Variants in ZNF407 observed in about 807,000 individuals in gnomAD.
ZNF407 encodes zinc finger protein 407.
ZNF407 carries 17 observed loss-of-function variants against 131.2 expected under a neutral mutation model. The ratio of observed to expected loss-of-function variants is 0.13; its 90% CI spans 0.09 to 0.19. The LOEUF is 0.19. Ranked by LOEUF, ZNF407 falls within the 10% of genes least tolerant of loss-of-function variation. The pLI is 1.00. For missense variants in ZNF407, 2,681 were observed against 2,830.6 expected, an observed-to-expected ratio of 0.95 and a Z score of 1.20; for synonymous variants, 1,156 against 1,062.0, an observed-to-expected ratio of 1.09 and a Z score of -1.72.
At chr18:74,869,122 C>T (rs1971052675) in intron 4 of ZNF407, among the ~76,000 whole-genome samples, 2 of 152,130 alleles carry the variant, frequency 1.3e-5, no homozygotes, top group African/African-American at 4.8e-5. Flanking sequence ...TACATTTTAT[C>T]TTTTTAGCTC....
intron 3 of ZNF407, among the ~76,000 whole-genome samples, chr18:74,651,684 T>C (rs895882735): frequency 6.6e-6 from 1 of 152,146 alleles, no homozygotes; most frequent in Non-Finnish European, 1.5e-5. Flanking sequence ...GAGTAAAAGG[T>C]TGAAGAATGT....
intron 8 of ZNF407, chr18:74,921,103 T>A: frequency 2.5e-6 from 2 of 798,624 alleles, no homozygotes; most frequent in Non-Finnish European, 3.0e-6. Flanking sequence ...AGTGAATGCC[T>A]AGAAAGAATG....
intron 3 of ZNF407, among the ~76,000 whole-genome samples, chr18:74,641,660 T>C (rs1364559264): frequency 6.6e-6 from 1 of 152,196 alleles, no homozygotes; most frequent in Non-Finnish European, 1.5e-5. Flanking sequence ...ACTTATTTCC[T>C]TTTTTAGTTA....
At position 74,866,937 on chromosome 18, in the gene ZNF407, C is replaced by T. The variant is rs2145167135; in HGVS notation, c.4878-10260C>T. The stretch of plus-strand genomic sequence containing the variant: ...CTGAGGCTGGAGGATCCCTAGAGCC[C>T]CTGTGTTTGAGACCAGCCTTGACAA... On this transcript the variant is annotated intron_variant, in intron 4 of 8. Transcript: ENST00000299687. Among the ~76,000 whole-genome samples the T allele has an allele frequency of 2.7e-5, 4 of 145,530 alleles. 2 individuals carry two copies. In the South Asian group the frequency reaches 8.7e-4, roughly 32 times the overall value.
intron 8 of ZNF407, among the ~76,000 whole-genome samples, chr18:75,057,536 T>C (rs1183393742): frequency 1.3e-5 from 2 of 152,236 alleles, no homozygotes; most frequent in Middle Eastern, 3.4e-3. Flanking sequence ...TGAGATGAAG[T>C]TGTTGAAGTG....
intron 1 of ZNF407, among the ~76,000 whole-genome samples, chr18:74,625,310 C>A (rs1983739037): frequency 1.3e-5 from 2 of 152,000 alleles, no homozygotes; most frequent in African/African-American, 4.8e-5. Flanking sequence ...CAGATGCCCT[C>A]AACAGAGTGT....
chr18:74,643,904 C>A (rs964991585), intron 3 of ZNF407, among the ~76,000 whole-genome samples: 2 of 151,914 alleles, frequency 1.3e-5, no homozygotes, highest in African/African-American at 4.8e-5. Context: ...ACCATTACCC[C>A]CTTTTGCCCT....
chr18:74,922,823 G>C (rs556893886), intron 8 of ZNF407, among the ~76,000 whole-genome samples: 44 of 152,290 alleles, frequency 2.9e-4, no homozygotes, highest in African/African-American at 1.0e-3. Flanking sequence ...CTGCTGTGCA[G>C]CTGTAGGCAT....
chr18:74,734,711 T>TGTG (rs1568188916), intron 3 of ZNF407, among the ~76,000 whole-genome samples: 11 of 104,316 alleles, frequency 1.1e-4, no homozygotes, highest in Non-Finnish European at 1.9e-4. Flanking sequence ...GTGTGTGTGT[T>TGTG]TTTGAGAGAA....
At chr18:74,664,395 T>C (rs1025814350) in intron 3 of ZNF407, among the ~76,000 whole-genome samples, 25 of 152,090 alleles carry the variant, frequency 1.6e-4, no homozygotes, top group African/African-American at 4.8e-4. Context: ...CTAGGGAGGC[T>C]GAGGAAGGGG....
intron 8 of ZNF407, among the ~76,000 whole-genome samples, chr18:74,950,152 G>T (rs769516342): frequency 1.3e-5 from 2 of 152,212 alleles, no homozygotes; most frequent in Non-Finnish European, 2.9e-5. Context: ...TCAGAAGCCA[G>T]TGGTGCCCAA....
intron 8 of ZNF407, chr18:75,060,090 C>T (rs1335497545): frequency 6.6e-6 from 1 of 152,242 alleles, no homozygotes; most frequent in African/African-American, 2.4e-5. Flanking sequence ...ATACCTGTAA[C>T]TGCTAGCACC....
chr18:74,927,559 G>GT (rs1971930286), intron 8 of ZNF407, among the ~76,000 whole-genome samples: 1 of 152,188 alleles, frequency 6.6e-6, no homozygotes, highest in African/African-American at 2.4e-5. Context: ...ATGGAGATGT[G>GT]TAACTTTGAG....
intron 8 of ZNF407, among the ~76,000 whole-genome samples, chr18:74,964,316 C>T (rs1054686449): frequency 6.6e-6 from 1 of 152,222 alleles, no homozygotes; most frequent in South Asian, 2.1e-4. Flanking sequence ...TATGCACATG[C>T]ATCTCTTGCC....
chr18:74,899,452 C>T (rs941910108), intron 7 of ZNF407, among the ~76,000 whole-genome samples: 7 of 152,000 alleles, frequency 4.6e-5, no homozygotes, highest in Non-Finnish European at 1.0e-4. Flanking sequence ...GGTGAGTGAC[C>T]GTGCCAGTCA....
At chr18:74,662,118 A>G (rs1985742112) in intron 3 of ZNF407, among the ~76,000 whole-genome samples, 1 of 151,336 alleles carries the variant, frequency 6.6e-6, no homozygotes, top group East Asian at 1.9e-4. Flanking sequence ...TTTGTGAGGT[A>G]TATTTATTTT....
intron 4 of ZNF407, among the ~76,000 whole-genome samples, chr18:74,796,955 T>C (rs1365615414): frequency 6.6e-6 from 1 of 152,170 alleles, no homozygotes; most frequent in East Asian, 1.9e-4. Context: ...TTCAGCAAGT[T>C]TGACAAGACC....
chr18:74,759,805 CTT>C (rs960284561), intron 3 of ZNF407, among the ~76,000 whole-genome samples: 1 of 138,138 alleles, frequency 7.2e-6, no homozygotes. Flanking sequence ...TTATATTTTC[CTT>C]TTTTTTTTTT....
intron 8 of ZNF407, among the ~76,000 whole-genome samples, chr18:75,012,684 C>CT (rs33911614): frequency 0.94 from 140,802 of 149,566 alleles, 66,785 homozygotes; most frequent in South Asian, 1. Flanking sequence ...TGCTGTGGAA[C>CT]TTTCTTTTTT....
Sources: gnomAD v4.1 joint callset for allele counts (sites outside exome capture counted in the v4.1 genomes callset) on GRCh38, gnomAD v4.1.1 for gene constraint, MANE v1.5 for transcripts, NCBI Gene and HGNC (gene_info 2026-07-23, HGNC 2026-07-21) for gene names.